Variants in TTN observed in about 807,000 individuals in gnomAD.
The protein encoded by TTN is connectin.
In TTN, 1,525 loss-of-function variants were observed where a neutral mutation model predicts 3,223.0. The observed-to-expected ratio is 0.47, with a 90% CI of 0.45 to 0.49. The LOEUF is 0.49. Among genes scored for constraint, TTN ranks in the 20% least tolerant of loss-of-function variants. The probability of loss-of-function intolerance (pLI) is 0.00; values close to 1 mark genes in which losing one functional copy is unlikely to be tolerated. For synonymous variants in TTN, 14,094 were observed against 15,161.0 expected, an observed-to-expected ratio of 0.93 and a Z score of 5.17; for missense variants, 40,786 against 43,424.0, an observed-to-expected ratio of 0.94 and a Z score of 5.40.
chr2:178,618,273 G>T lies in TTN; in HGVS notation c.47185C>A (p.Leu15729Ile). 1 of 1,612,764 alleles carries T rather than the reference G, an allele frequency of 6.2e-7. No individual in the cohort carries two copies. The highest frequency in any genetic ancestry group is 8.5e-7 in the Non-Finnish European group (1 of 1,179,164). ...TGLQKGGVEY[L>I]FRVSARNRVG... is the part of the protein sequence containing the mutation. The stretch of plus-strand genomic sequence containing the variant: ...CTGTTTCTTGCACTCACACGGAATA[G>T]GTACTCAACTCCTCCTTTCTGTAGA... Residue 15729 changes from leucine to isoleucine, a missense_variant, in exon 252 of 363, where the codon CTA becomes ATA. By Grantham distance (5) the Leu-to-Ile change is conservative. Transcript: ENST00000589042.
chr2:178,794,119 T>C (rs2093649348), intron 8 of TTN, among the ~76,000 whole-genome samples: 1 of 152,262 alleles, frequency 6.6e-6, no homozygotes, highest in Non-Finnish European at 1.5e-5. Context: ...GGCCACTCTT[T>C]GCCTTCCTAC....
In TTN at chr2:178,561,366, G is replaced by A; in HGVS notation, c.84766C>T (p.Pro28256Ser). 1.9e-6 allele frequency: 3 copies of A among 1,613,760 alleles called. No homozygotes were observed. Among genetic ancestry groups the A allele is most frequent in the Non-Finnish European group, 2.5e-6 (3 of 1,179,782 alleles). Residue 28256 changes from proline to serine, a missense_variant, in exon 326 of 363, where the codon CCT becomes TCT. Pro to Ser is a moderately conservative substitution (Grantham distance 74). Transcript: ENST00000589042. ...ATATTTGTGACTTCAGGTTGTCCAG[G>A]AGGGTCACAAGGATCTCTTGCAGGG... ...PVPARDPCDP[P>S]GQPEVTNITR... is the part of the protein sequence containing the mutation.
rs2068877489 is a variant in TTN, at chr2:178,679,659, C to G, written c.33604G>C (p.Val11202Leu). The change falls in exon 141 of 363, where the codon GTT (valine) becomes CTT (leucine). Residue 11202 changes from valine (V) to leucine (L), a missense_variant. Physicochemically the swap from Val to Leu is conservative, Grantham distance 32. Coordinates refer to ENST00000589042, the MANE Select transcript of TTN (RefSeq NM_001267550.2). ...GGAACAGGTTTCTTCTCTTCTGGAACAGGTTTCCTGGGTACCTCAGGCACT... is the reference window on the plus strand; with the variant it reads ...GGAACAGGTTTCTTCTCTTCTGGAAGAGGTTTCCTGGGTACCTCAGGCACT... ...VKVPEVPRKP[V>L]PEEKKPVPVP... The G allele has an allele frequency of 2.5e-6, 4 of 1,610,672 alleles. No individual in the cohort carries two copies. The highest frequency in any genetic ancestry group is 2.2e-5 in the East Asian group (1 of 44,874).
In TTN at chr2:178,595,500, TA is replaced by T. The variant is rs1370085760; in HGVS notation, c.57847+6del. 21 of 1,544,028 alleles carry T rather than the reference TA, an allele frequency of 1.4e-5. No homozygotes were observed. The Admixed American group carries it at 3.5e-4, about 25-fold the overall frequency. On this transcript the variant is annotated splice_donor_region_variant and intron_variant, in intron 295 of 362. Transcript: ENST00000589042. ...GATTAAGTATACATTTTTTTTTTTT[TA>T]CTTACTTATTGGCTCTCTGATAACA...
rs1468822039 is a variant in TTN, at chr2:178,702,203, G to A, written c.30476C>T (p.Ala10159Val). ...VIARLEPRGEARSTAELYLTT... is the reference protein window; with the variant it reads ...VIARLEPRGEVRSTAELYLTT... ...TAGGTACAGCTCTGCCGTGCTTCTTGCTTCACCTCTTGGCTCCAGCCGAGC... is the reference window on the plus strand; with the variant it reads ...TAGGTACAGCTCTGCCGTGCTTCTTACTTCACCTCTTGGCTCCAGCCGAGC... The change falls in exon 108 of 363, where the codon GCA (alanine) becomes GTA (valine). Residue 10159 changes from alanine (A) to valine (V), a missense_variant. Physicochemically the swap from Ala to Val is moderately conservative, Grantham distance 64. Transcript: ENST00000589042. 2 of 1,613,826 alleles carry A rather than the reference G, an allele frequency of 1.2e-6. No individual in the cohort carries two copies. Among genetic ancestry groups the A allele is most frequent in the African/African-American group, 2.7e-5 (2 of 74,904 alleles).
chr2:178,541,203 A>C, intron 350 of TTN, 79 bp downstream of exon 350: 1 of 1,336,288 alleles, frequency 7.5e-7, no homozygotes, highest in South Asian at 1.7e-5. Flanking sequence ...AAGTCATAGA[A>C]CTATATATTT....
chr2:178,667,379 C>T, intron 161 of TTN, 60 bp from the exon 162 acceptor site: 10 of 1,570,826 alleles, frequency 6.4e-6, no homozygotes, highest in Middle Eastern at 1.7e-4. Context: ...TTATAAAAAG[C>T]ATGCAATGTT....
In TTN at chr2:178,673,627, A is replaced by T. The variant is rs1381635003; in HGVS notation, c.34786+6T>A. On this transcript the variant is annotated splice_donor_region_variant and intron_variant, in intron 152 of 362. Coordinates refer to ENST00000589042, the MANE Select transcript of TTN (RefSeq NM_001267550.2). ...TAAAGATATTAATAATGAGGATTTG[A>T]TATACCTTTAGCTGGTGGTGCCTCC... 2 of 1,575,258 alleles carry T rather than the reference A, an allele frequency of 1.3e-6. No homozygotes were observed. Among genetic ancestry groups the T allele is most frequent in the Admixed American group, 3.9e-5 (2 of 50,946 alleles).
intron 47 of TTN, chr2:178,745,349 T>G: frequency 7.3e-7 from 1 of 1,368,588 alleles, no homozygotes. Context: ...TAATTGTGTT[T>G]GATATTACAC....
chr2:178,588,392 T>G, intron 304 of TTN, 146 bp downstream of exon 304: 1 of 1,182,386 alleles, frequency 8.5e-7, no homozygotes, highest in Non-Finnish European at 1.2e-6. Context: ...TTTTAGGTAT[T>G]TTGGTAAAAG....
chr2:178,806,603 A>G (rs1378394711), intron 1 of TTN, among the ~76,000 whole-genome samples: 1 of 152,166 alleles, frequency 6.6e-6, no homozygotes, highest in African/African-American at 2.4e-5. Context: ...TTACATTCCT[A>G]TTGTCTAGGT....
rs1404277332 is a variant in TTN, at chr2:178,589,326, T to C, written c.62399A>G (p.Glu20800Gly). 1 of 1,612,896 alleles carries C rather than the reference T, an allele frequency of 6.2e-7. No individual in the cohort carries two copies. The highest frequency in any genetic ancestry group is 2.2e-5 in the East Asian group (1 of 44,780). Residue 20800 changes from glutamate to glycine, a missense_variant, in exon 304 of 363, where the codon GAA becomes GGA. By Grantham distance (98) the Glu-to-Gly change is moderately conservative. Coordinates refer to ENST00000589042, the MANE Select transcript of TTN (RefSeq NM_001267550.2). Reference sequence around the variant, plus strand: ...GTCTTTGTCCTTGGTCCATGCAACTTCTGGGAATGGTTTGCCTCTAACCCC... The same window carrying C: ...GTCTTTGTCCTTGGTCCATGCAACTCCTGGGAATGGTTTGCCTCTAACCCC... ...EAGVRGKPFPEVAWTKDKDAT... is the reference protein window; with the variant it reads ...EAGVRGKPFPGVAWTKDKDAT...
At position 178,575,477 on chromosome 2, in the gene TTN, G is replaced by T; in HGVS notation, c.70655C>A (p.Ala23552Glu). 6.2e-7 allele frequency: 1 copy of T among 1,613,666 alleles called. No homozygotes were observed. The highest frequency in any genetic ancestry group is 8.5e-7 in the Non-Finnish European group (1 of 1,179,668). ...ACCATCGTGTTTGGGCTTAGGCCAT[G>T]CCAGGCTGACGGTGCTCTTAGTTAT... ...MDITKSTVSL[A>E]WPKPKHDGGS... is the part of the protein sequence containing the mutation. The change falls in exon 326 of 363, where the codon GCA (alanine) becomes GAA (glutamate). Residue 23552 changes from alanine (A) to glutamate (E), a missense_variant. Ala to Glu is a moderately radical substitution (Grantham distance 107). Transcript: ENST00000589042. This position sits in a 1 kb window ranked among gnomAD's most constrained non-coding sequence, Gnocchi z 4.0.
Position 178,566,322 on chromosome 2 carries a change from C to A in TTN, c.79810G>T (p.Val26604Leu). Residue 26604 changes from valine to leucine, a missense_variant, in exon 326 of 363, where the codon GTA becomes TTA. Transcript: ENST00000589042. ...ATTCTGGCAGATCCACCAGCTCTTA[C>A]AACAATTCCTTTTCTTAATTCGGAG... ...LDSELRKGIV[V>L]RAGGSARIHI... 6.2e-7 allele frequency: 1 copy of A among 1,613,630 alleles called. No homozygotes were observed. The highest frequency in any genetic ancestry group is 1.7e-5 in the Admixed American group (1 of 59,990).
Position 178,704,537 on chromosome 2 carries a change from T to C in TTN, c.29935A>G (p.Ile9979Val), listed in dbSNP as rs879217763. 1.2e-6 allele frequency: 2 copies of C among 1,611,982 alleles called. No individual in the cohort carries two copies. Among genetic ancestry groups the C allele is most frequent in the Non-Finnish European group, 1.7e-6 (2 of 1,178,740 alleles). Reference sequence around the variant, plus strand: ...ATTACAGTTAGTTTAGCGCTAGCGATGTGTGGACCACAAACCAATCGATAA... The same window carrying C: ...ATTACAGTTAGTTTAGCGCTAGCGACGTGTGGACCACAAACCAATCGATAA... Reference protein sequence around the residue: ...GNYRLVCGPHIASAKLTVIEP... With the variant: ...GNYRLVCGPHVASAKLTVIEP... Residue 9979 changes from isoleucine to valine, a missense_variant, in exon 105 of 363, where the codon ATC becomes GTC. Coordinates refer to ENST00000589042, the MANE Select transcript of TTN (RefSeq NM_001267550.2).
chr2:178,590,215 G>T lies in TTN; in HGVS notation c.61510C>A (p.Pro20504Thr). Residue 20504 changes from proline (P) to threonine (T), a missense_variant, in exon 304 of 363, where the codon CCT (proline) becomes ACT (threonine). Transcript: ENST00000589042. The part of the protein sequence containing the change: ...IRILARVKGR[P>T]EPDITWTKEG... Reference sequence around the variant, plus strand: ...TTAGTCCAAGTTATGTCTGGTTCAGGTCTGCCTTTGACTCGAGCTAGAATG... The same window carrying T: ...TTAGTCCAAGTTATGTCTGGTTCAGTTCTGCCTTTGACTCGAGCTAGAATG... The T allele has an allele frequency of 2.5e-6, 4 of 1,603,580 alleles. No homozygotes were observed. The South Asian group carries it at 3.4e-5, about 14-fold the overall frequency.
At chr2:178,595,901 T>A in intron 294 of TTN, 92 bp from the exon 295 acceptor site, 1 of 1,332,298 alleles carries the variant, frequency 7.5e-7, no homozygotes, top group Middle Eastern at 2.0e-4. Flanking sequence ...AAAAATGTTG[T>A]TTTGAAGAAA....
Position 178,720,670 on chromosome 2 carries a change from G to GA in TTN, c.23099-8dup, listed in dbSNP as rs764053143. The GA allele has an allele frequency of 1.1e-5, 17 of 1,556,818 alleles. No individual in the cohort carries two copies. Among genetic ancestry groups the GA allele is most frequent in the Middle Eastern group, 1.7e-4 (1 of 5,742 alleles). On this transcript the variant is annotated splice_polypyrimidine_tract_variant and splice_region_variant and intron_variant, in intron 79 of 362. Coordinates refer to ENST00000589042, the MANE Select transcript of TTN (RefSeq NM_001267550.2). Reference sequence around the variant, plus strand: ...TGGGTGAAAACAGGAGGTGCTACCAGAAAAAAGGAGATAAACAATGAGAAC... The same window carrying GA: ...TGGGTGAAAACAGGAGGTGCTACCAGAAAAAAAGGAGATAAACAATGAGAAC...
Position 178,547,740 on chromosome 2 carries a change from C to T in TTN, c.93886G>A (p.Val31296Ile), listed in dbSNP as rs794729534. The T allele has an allele frequency of 5.6e-6, 9 of 1,613,494 alleles. No individual in the cohort carries two copies. The African/African-American group carries it at 1.1e-4, about 19-fold the overall frequency. The stretch of plus-strand genomic sequence containing the variant: ...ACAACTGTGACGCTAAATGTTTTAA[C>T]ACCAGCTGTATTTTCCAGGGTCAAG... ...YFLTLENTAG[V>I]KTFSVTVVVI... The change falls in exon 339 of 363, where the codon GTT (valine) becomes ATT (isoleucine). Residue 31296 changes from valine (V) to isoleucine (I), a missense_variant. Transcript: ENST00000589042.
Sources: allele counts gnomAD v4.1 joint callset (sites outside exome capture counted in the v4.1 genomes callset), GRCh38; gene constraint gnomAD v4.1.1; non-coding constraint Gnocchi (gnomAD v3.1); transcripts MANE v1.5; gene names NCBI Gene and HGNC (gene_info 2026-07-23, HGNC 2026-07-21).